Variants in DPP10 observed in about 807,000 individuals in gnomAD.
DPP10 encodes the protein inactive dipeptidyl peptidase 10.
Under a neutral mutation model 120.9 loss-of-function variants are expected in DPP10, and 33 were observed. The observed-to-expected ratio is 0.27, with a 90% CI of 0.21 to 0.37. The LOEUF (loss-of-function observed/expected upper bound fraction) is 0.37, where lower values mean the gene tolerates loss of function less well. Ranked by LOEUF, DPP10 falls within the 10% of genes least tolerant of loss-of-function variation. DPP10 has a pLI of 1.00. For synonymous variants in DPP10, 337 were observed against 326.1 expected, an observed-to-expected ratio of 1.03 and a Z score of -0.36; for missense variants, 816 against 942.8, an observed-to-expected ratio of 0.87 and a Z score of 1.76.
At chr2:115,344,072 G>A (rs1427452458) in intron 3 of DPP10, among the ~76,000 whole-genome samples, 160 bp downstream of exon 3, 1 of 148,444 alleles carries the variant, frequency 6.7e-6, no homozygotes, top group African/African-American at 2.5e-5. Flanking sequence ...GGAGGCGGAC[G>A]TCGCAGTGAG....
intron 13 of DPP10, among the ~76,000 whole-genome samples, chr2:115,775,962 A>C (rs1233153820): frequency 1.3e-5 from 2 of 152,136 alleles, no homozygotes; most frequent in East Asian, 3.9e-4. Flanking sequence ...GTATTCAAAA[A>C]CCTTAGAAAT....
chr2:115,480,672 C>T (rs1244823054), intron 3 of DPP10, among the ~76,000 whole-genome samples: 1 of 152,004 alleles, frequency 6.6e-6, no homozygotes, highest in East Asian at 1.9e-4. Context: ...GACTGTGGCT[C>T]TTATCTGCTT....
At chr2:115,010,035 TATC>T (rs1702149043) in intron 1 of DPP10, among the ~76,000 whole-genome samples, 4 of 152,232 alleles carry the variant, frequency 2.6e-5, no homozygotes, top group Admixed American at 2.0e-4. Flanking sequence ...TTTTTGTGTT[TATC>T]TTAATGATAT....
intron 1 of DPP10, among the ~76,000 whole-genome samples, chr2:114,961,146 G>T (rs62167702): frequency 0.43 from 62,343 of 145,398 alleles, 13,412 homozygotes; most frequent in Non-Finnish European, 0.48. Flanking sequence ...CCACCTCCCG[G>T]GTTCAAGCAG....
At chr2:115,716,595 A>G (rs1425737193) in intron 7 of DPP10, among the ~76,000 whole-genome samples, 4 of 152,180 alleles carry the variant, frequency 2.6e-5, no homozygotes, top group African/African-American at 9.7e-5. Context: ...TAACAGGAGT[A>G]AATTAATTCT....
chr2:115,449,735 C>T (rs1252208528), intron 3 of DPP10, among the ~76,000 whole-genome samples: 1 of 152,034 alleles, frequency 6.6e-6, no homozygotes, highest in Non-Finnish European at 1.5e-5. Context: ...GAAAATTATT[C>T]CCACACTGCT....
At chr2:115,796,242 A>T (rs1684514559) in intron 19 of DPP10, among the ~76,000 whole-genome samples, 2 of 152,000 alleles carry the variant, frequency 1.3e-5, no homozygotes, top group Non-Finnish European at 2.9e-5. Context: ...CCACCTGGAG[A>T]AGTTCTCTTA....
chr2:115,683,791 A>T (rs550817453), intron 5 of DPP10, among the ~76,000 whole-genome samples: 1 of 152,100 alleles, frequency 6.6e-6, no homozygotes, highest in South Asian at 2.1e-4. Flanking sequence ...GTGCAATTGA[A>T]GAATGGTACG....
chr2:115,450,897 A>G (rs936164419), intron 3 of DPP10, among the ~76,000 whole-genome samples: 5 of 151,958 alleles, frequency 3.3e-5, no homozygotes, highest in African/African-American at 1.2e-4. Flanking sequence ...GAGATAATGA[A>G]AATATTAACA....
At chr2:115,113,901 G>A (rs1168383047) in intron 1 of DPP10, among the ~76,000 whole-genome samples, 4 of 152,094 alleles carry the variant, frequency 2.6e-5, no homozygotes, top group African/African-American at 7.2e-5. Flanking sequence ...TACACATTGA[G>A]TCATTCTTGT....
At chr2:115,125,568 C>CT (rs57686926) in intron 1 of DPP10, among the ~76,000 whole-genome samples, 2,762 of 112,114 alleles carry the variant, frequency 0.025, 165 homozygotes, top group African/African-American at 0.062. Context: ...ATCATAATGG[C>CT]TTTTTTTTTT....
At chr2:115,660,477 C>T (rs1048051788) in intron 5 of DPP10, among the ~76,000 whole-genome samples, 1 of 152,038 alleles carries the variant, frequency 6.6e-6, no homozygotes, top group African/African-American at 2.4e-5. Flanking sequence ...GGAGATTTCT[C>T]CCCTGAAAAT....
intron 1 of DPP10, among the ~76,000 whole-genome samples, chr2:115,123,567 C>A (rs2049928995): frequency 6.6e-6 from 1 of 152,216 alleles, no homozygotes; most frequent in African/African-American, 2.4e-5. Context: ...ATATTTGAGC[C>A]CGGTCATCCA....
intron 1 of DPP10, among the ~76,000 whole-genome samples, chr2:114,601,796 T>C (rs1467952040): frequency 6.6e-6 from 1 of 151,974 alleles, no homozygotes; most frequent in East Asian, 1.9e-4. Context: ...GTCATGTTGA[T>C]TCTAATGTAA....
intron 1 of DPP10, among the ~76,000 whole-genome samples, chr2:114,603,677 G>A (rs769981199): frequency 1.1e-4 from 16 of 151,994 alleles, no homozygotes; most frequent in African/African-American, 1.4e-4. Context: ...AGGATGGGGC[G>A]GTAAACTTGG....
At chr2:115,385,205 A>G (rs1040646748) in intron 3 of DPP10, among the ~76,000 whole-genome samples, 1 of 152,114 alleles carries the variant, frequency 6.6e-6, no homozygotes, top group African/African-American at 2.4e-5. Flanking sequence ...GAGGATCCTC[A>G]TTCCGGAGGG....
At chr2:114,791,496 T>C (rs1683238889) in intron 1 of DPP10, among the ~76,000 whole-genome samples, 2 of 152,320 alleles carry the variant, frequency 1.3e-5, no homozygotes, top group South Asian at 4.1e-4. Flanking sequence ...TGTTGAGTTT[T>C]CCCAATTTGT....
At chr2:115,065,180 G>C (rs1706736489) in intron 1 of DPP10, among the ~76,000 whole-genome samples, 1 of 152,012 alleles carries the variant, frequency 6.6e-6, no homozygotes, top group Non-Finnish European at 1.5e-5. Context: ...TTAAATTCTG[G>C]AGAAATCTAT....
intron 1 of DPP10, among the ~76,000 whole-genome samples, chr2:114,942,298 CATATATATATATATATATATAT>C (rs752991108): frequency 3.0e-4 from 31 of 104,700 alleles, no homozygotes; most frequent in Non-Finnish European, 4.5e-4. Context: ...TATATATATA[CATATATATATATATATATATAT>C]ACACACACAT....
Sources: allele counts gnomAD v4.1 joint callset (sites outside exome capture counted in the v4.1 genomes callset), GRCh38; gene constraint gnomAD v4.1.1; transcripts MANE v1.5; gene names NCBI Gene and HGNC (gene_info 2026-07-23, HGNC 2026-07-21).